The following B4GALT6 variants were observed in gnomAD, a reference collection of about 807,000 sequenced individuals.
The protein encoded by B4GALT6 is UDP-Gal:beta-GlcNAc beta-1,4-galactosyltransferase 6.
B4GALT6 carries 14 observed loss-of-function variants against 46.3 expected under a neutral mutation model. That is an observed-to-expected ratio of 0.30 (90% CI 0.20 to 0.47). The LOEUF (loss-of-function observed/expected upper bound fraction) is 0.47, where lower values mean the gene tolerates loss of function less well. Ranked by LOEUF, B4GALT6 falls within the 20% of genes least tolerant of loss-of-function variation. The probability of loss-of-function intolerance (pLI) is 0.99; values close to 1 mark genes in which losing one functional copy is unlikely to be tolerated. For missense variants in B4GALT6, 386 were observed against 480.1 expected, an observed-to-expected ratio of 0.80 and a Z score of 1.83; for synonymous variants, 168 against 162.0, an observed-to-expected ratio of 1.04 and a Z score of -0.28.
In B4GALT6 at chr18:31,659,612, G is replaced by A. The variant is rs552194448; in HGVS notation, c.233-1523C>T. ...CACAGGGCATCAGTAAGGTGTTAAGGTAAATGCATTCCCAGAAAACCCCAA... is the reference window on the plus strand; with the variant it reads ...CACAGGGCATCAGTAAGGTGTTAAGATAAATGCATTCCCAGAAAACCCCAA... On this transcript the variant is annotated intron_variant, in intron 2 of 8. Coordinates refer to ENST00000306851, the MANE Select transcript of B4GALT6 (RefSeq NM_004775.5). Among the ~76,000 whole-genome samples, 13 of 152,274 alleles carry A rather than the reference G, an allele frequency of 8.5e-5. No individual in the cohort carries two copies. In the East Asian group the frequency reaches 2.1e-3, roughly 25 times the overall value.
At chr18:31,711,188 C>T in the B4GALT6 span, among the ~76,000 whole-genome samples, 1 of 152,198 alleles carries the variant, frequency 6.6e-6, no homozygotes, top group Non-Finnish European at 1.5e-5. Flanking sequence ...TCCCTGTCTG[C>T]TCTCTTGCCA....
chr18:31,670,942 C>T (rs2074347430), intron 1 of B4GALT6, among the ~76,000 whole-genome samples: 1 of 151,992 alleles, frequency 6.6e-6, no homozygotes, highest in Admixed American at 6.6e-5. Context: ...TGATGTTCCC[C>T]ACCCTGTGTC....
the B4GALT6 span, among the ~76,000 whole-genome samples, chr18:31,707,628 G>C: frequency 1.3e-4 from 20 of 152,278 alleles, no homozygotes; most frequent in African/African-American, 4.8e-4. Context: ...TATTTAAATA[G>C]TGTTAATTAA....
intron 3 of B4GALT6, among the ~76,000 whole-genome samples, chr18:31,654,450 T>A (rs2074114245): frequency 6.6e-6 from 1 of 152,196 alleles, no homozygotes; most frequent in Admixed American, 6.5e-5. Context: ...AAGAAAGAAG[T>A]ATTCACTCAT....
Position 31,625,758 on chromosome 18 carries a change from A to C in B4GALT6, c.1005T>G (p.Tyr335Ter). 1 of 1,583,780 alleles carries C rather than the reference A, an allele frequency of 6.3e-7. No individual in the cohort carries two copies. Among genetic ancestry groups the C allele is most frequent in the Non-Finnish European group, 8.5e-7 (1 of 1,170,838 alleles). The change falls in exon 9 of 9, where the codon TAT (tyrosine) becomes TAG (stop). Residue 335 changes from tyrosine (Y) to a stop codon, truncating the protein, a stop_gained. Coordinates refer to ENST00000306851, the MANE Select transcript of B4GALT6 (RefSeq NM_004775.5). LOFTEE classifies it high-confidence loss of function. ...GCTCCTTGGAATACCTTAGTAATTT[A>C]TACCTATAGTTTTAGAGGAAAAAAC... ...HRGEVQFLGR[Y>*]KLLRYSKERQ...
intron 5 of B4GALT6, among the ~76,000 whole-genome samples, chr18:31,634,712 A>G (rs1234637773): frequency 6.6e-6 from 1 of 152,232 alleles, no homozygotes; most frequent in Non-Finnish European, 1.5e-5. Flanking sequence ...TCAACTGCTT[A>G]GCACTCCCTG....
intron 3 of B4GALT6, among the ~76,000 whole-genome samples, chr18:31,646,702 A>G (rs1055238362): frequency 6.6e-6 from 1 of 152,202 alleles, no homozygotes; most frequent in African/African-American, 2.4e-5. Flanking sequence ...TCCTCTCTAG[A>G]GAGCCTCTTT....
intron 1 of B4GALT6, among the ~76,000 whole-genome samples, chr18:31,670,814 C>A (rs1160559646): frequency 1.3e-5 from 2 of 152,044 alleles, no homozygotes; most frequent in African/African-American, 4.8e-5. Flanking sequence ...GTGCAGGTTA[C>A]ATAGGTTTAC....
chr18:31,663,666 G>A (rs776701625), intron 2 of B4GALT6, among the ~76,000 whole-genome samples: 6 of 152,136 alleles, frequency 3.9e-5, no homozygotes, highest in Non-Finnish European at 7.3e-5. Context: ...CTAGAGCTCA[G>A]TTAGCTTTTT....
the B4GALT6 span, among the ~76,000 whole-genome samples, chr18:31,712,697 T>G: frequency 6.6e-6 from 1 of 152,206 alleles, no homozygotes; most frequent in African/African-American, 2.4e-5. Flanking sequence ...TTCCTAATCC[T>G]TTGGTTGTGC....
chr18:31,647,375 C>T (rs534555980), intron 3 of B4GALT6, among the ~76,000 whole-genome samples: 1 of 152,268 alleles, frequency 6.6e-6, no homozygotes, highest in East Asian at 1.9e-4. Flanking sequence ...AAGAGACAGG[C>T]TTTATTTCTT....
the B4GALT6 span, among the ~76,000 whole-genome samples, chr18:31,691,275 C>A: frequency 9.5e-6 from 1 of 105,372 alleles, no homozygotes; most frequent in Non-Finnish European, 2.0e-5. Flanking sequence ...ATAGTCTTAA[C>A]CTCTTACATA....
At chr18:31,647,755 GAAGGGAAGGGAA>G (rs1034071420) in intron 3 of B4GALT6, among the ~76,000 whole-genome samples, 1 of 152,116 alleles carries the variant, frequency 6.6e-6, no homozygotes, top group African/African-American at 2.4e-5. Flanking sequence ...CTGTACATAG[GAAGGGAAGGGAA>G]AAGGTCATGT....
chr18:31,718,175 G>A, the B4GALT6 span, among the ~76,000 whole-genome samples: 1 of 152,158 alleles, frequency 6.6e-6, no homozygotes, highest in Non-Finnish European at 1.5e-5. Flanking sequence ...CTAAATTTGT[G>A]TTTCTCAACA....
intron 1 of B4GALT6, among the ~76,000 whole-genome samples, chr18:31,678,048 G>C (rs2074434797): frequency 6.6e-6 from 1 of 152,174 alleles, no homozygotes; most frequent in South Asian, 2.1e-4. Context: ...AGTCACAAAA[G>C]ACAGTGTGGG....
the B4GALT6 span, among the ~76,000 whole-genome samples, chr18:31,723,600 A>AC: frequency 2.0e-5 from 3 of 151,866 alleles, no homozygotes; most frequent in Non-Finnish European, 4.4e-5. Context: ...TGAATTGCTC[A>AC]CCCCCCAAAA....
the B4GALT6 span, among the ~76,000 whole-genome samples, chr18:31,723,582 T>C: frequency 2.0e-5 from 3 of 147,846 alleles, no homozygotes; most frequent in African/African-American, 5.2e-5. Context: ...GCCTTCTCTC[T>C]CCCAGACTGA....
At chr18:31,684,830 A>G (rs1598941304), upstream of B4GALT6, 2 of 922,522 alleles carry the variant, frequency 2.2e-6, no homozygotes, top group Admixed American at 5.7e-5. Context: ...GGAGAGGGGC[A>G]GCTAACTGCA....
intron 2 of B4GALT6, among the ~76,000 whole-genome samples, chr18:31,661,172 TAAC>T (rs1173492270): frequency 6.6e-6 from 1 of 152,210 alleles, no homozygotes; most frequent in Non-Finnish European, 1.5e-5. Flanking sequence ...TACATTCTCT[TAAC>T]AACATCAACA....
Sources: allele counts gnomAD v4.1 joint callset (sites outside exome capture counted in the v4.1 genomes callset), GRCh38; gene constraint gnomAD v4.1.1; transcripts MANE v1.5; gene names NCBI Gene and HGNC (gene_info 2026-07-23, HGNC 2026-07-21).